Variants in MID1 observed in about 807,000 individuals in gnomAD.
MID1 encodes E3 ubiquitin-protein ligase Midline-1.
Under a neutral mutation model 40.4 loss-of-function variants are expected in MID1, and 7 were observed. The observed-to-expected ratio is 0.17, with a 90% CI of 0.10 to 0.33. The LOEUF is 0.33. Among genes scored for constraint, MID1 ranks in the 10% least tolerant of loss-of-function variants. The pLI is 1.00. For synonymous variants in MID1, 229 were observed against 221.2 expected, an observed-to-expected ratio of 1.04 and a Z score of -0.31; for missense variants, 367 against 558.5, an observed-to-expected ratio of 0.66 and a Z score of 3.46.
intron 1 of MID1, among the ~76,000 whole-genome samples, chrX:10,702,071 G>A (rs2043196865): frequency 8.9e-6 from 1 of 112,457 alleles, no homozygotes; most frequent in African/African-American, 3.2e-5. Flanking sequence ...ATGCCACTCT[G>A]CATTTAATGC....
At chrX:10,637,618 C>A (rs1944704107) in intron 1 of MID1, among the ~76,000 whole-genome samples, 1 of 106,341 alleles carries the variant, frequency 9.4e-6, no homozygotes, top group Non-Finnish European at 1.9e-5. Context: ...GAGCAAGACT[C>A]CATCTAAAAA....
At chrX:10,515,409 C>T (rs996085981) in intron 3 of MID1, among the ~76,000 whole-genome samples, 2 of 111,940 alleles carry the variant, frequency 1.8e-5, no homozygotes, top group Admixed American at 9.5e-5. Flanking sequence ...AATTAAACAG[C>T]CTTAATTCCT....
intron 4 of MID1, among the ~76,000 whole-genome samples, chrX:10,487,006 C>A (rs1222853750): frequency 9.0e-6 from 1 of 111,635 alleles, no homozygotes; most frequent in Non-Finnish European, 1.9e-5. Flanking sequence ...CATGCCACTA[C>A]ACCCGGCTAA....
chrX:10,481,757 T>C (rs377389044), intron 5 of MID1, among the ~76,000 whole-genome samples: 13 of 112,497 alleles, frequency 1.2e-4, no homozygotes, highest in African/African-American at 3.9e-4. Flanking sequence ...GTGCTTTTCT[T>C]TGGATCCACT....
chrX:10,714,110 T>C (rs1352117253), intron 1 of MID1, among the ~76,000 whole-genome samples: 2 of 112,252 alleles, frequency 1.8e-5, no homozygotes, highest in Admixed American at 1.9e-4. Flanking sequence ...TTCAGAACAC[T>C]TGGAATTTTA....
chrX:10,602,769 A>G (rs775180725), intron 1 of MID1, among the ~76,000 whole-genome samples: 2 of 112,470 alleles, frequency 1.8e-5, no homozygotes, highest in Admixed American at 1.9e-4. Context: ...AGGGATGCCT[A>G]TGAGTCTGGG....
chrX:10,613,762 GAGAGAGACAGAC>G (rs1419106881), intron 1 of MID1, among the ~76,000 whole-genome samples: 18 of 86,108 alleles, frequency 2.1e-4, no homozygotes, highest in African/African-American at 8.0e-4. Flanking sequence ...GAGAGAGAGA[GAGAGAGACAGAC>G]AGACAGACAG....
chrX:10,513,865 T>C (rs930562004), intron 3 of MID1, among the ~76,000 whole-genome samples: 1 of 112,128 alleles, frequency 8.9e-6, no homozygotes, highest in Non-Finnish European at 1.9e-5. Context: ...CTTTATATCA[T>C]GCCAGAAACA....
At chrX:10,545,835 T>C (rs1384751303) in intron 2 of MID1, among the ~76,000 whole-genome samples, 1 of 112,026 alleles carries the variant, frequency 8.9e-6, no homozygotes, top group Admixed American at 9.5e-5. Flanking sequence ...TTTAACACTT[T>C]TATTTATCAG....
At chrX:10,682,920 A>C (rs987709084) in intron 1 of MID1, among the ~76,000 whole-genome samples, 5 of 111,616 alleles carry the variant, frequency 4.5e-5, no homozygotes, top group African/African-American at 1.6e-4. Context: ...AAAGGGTCAA[A>C]TCTGGGGCAT....
intron 1 of MID1, among the ~76,000 whole-genome samples, chrX:10,828,786 G>A (rs961778030): frequency 3.6e-4 from 40 of 112,413 alleles, no homozygotes; most frequent in African/African-American, 1.3e-3. Context: ...CCCCTGAATT[G>A]TTTACTTGAC....
intron 1 of MID1, among the ~76,000 whole-genome samples, chrX:10,571,819 G>A (rs1470974987): frequency 9.1e-6 from 1 of 110,346 alleles, no homozygotes; most frequent in Non-Finnish European, 1.9e-5. Context: ...TACTTGGGAG[G>A]CTGAGGCTGC....
chrX:10,767,875 C>T (rs1486200721), intron 1 of MID1, among the ~76,000 whole-genome samples: 1 of 111,619 alleles, frequency 9.0e-6, no homozygotes, highest in Non-Finnish European at 1.9e-5. Context: ...ATTAAGTATA[C>T]ATATTTATTG....
At chrX:10,672,461 A>C (rs1246239820) in intron 1 of MID1, among the ~76,000 whole-genome samples, 2 of 110,872 alleles carry the variant, frequency 1.8e-5, no homozygotes, top group Non-Finnish European at 3.8e-5. Flanking sequence ...GTGTAATTGC[A>C]CAGGTCCTTA....
intron 2 of MID1, among the ~76,000 whole-genome samples, chrX:10,563,370 T>A (rs142563023): frequency 1.8e-5 from 2 of 111,542 alleles, no homozygotes; most frequent in Non-Finnish European, 3.8e-5. Context: ...TCAATTTGTA[T>A]ATTTTTATAG....
intron 1 of MID1, among the ~76,000 whole-genome samples, chrX:10,817,548 C>CTTTCTT (rs1227278035): frequency 1.0e-5 from 1 of 98,510 alleles, no homozygotes; most frequent in Non-Finnish European, 2.0e-5. Flanking sequence ...TTCTTTCTTT[C>CTTTCTT]TTTCTTTCTT....
intron 1 of MID1, among the ~76,000 whole-genome samples, chrX:10,691,927 C>A (rs2043133822): frequency 9.0e-6 from 1 of 111,410 alleles, no homozygotes; most frequent in Non-Finnish European, 1.9e-5. Context: ...CTGGGAGTGT[C>A]TGTCTCATGC....
intron 9 of MID1, among the ~76,000 whole-genome samples, chrX:10,450,157 G>A (rs1264865494): frequency 8.9e-6 from 1 of 112,468 alleles, no homozygotes; most frequent in African/African-American, 3.2e-5. Context: ...CGGCTGGTGA[G>A]ACTGAGGAAC....
intron 1 of MID1, among the ~76,000 whole-genome samples, chrX:10,746,176 A>G (rs976214432): frequency 1.8e-5 from 2 of 112,127 alleles, no homozygotes; most frequent in African/African-American, 6.5e-5. Context: ...AGTGCAGAGT[A>G]TGCTTGGGAA....
Sources: allele counts gnomAD v4.1 joint callset (sites outside exome capture counted in the v4.1 genomes callset), GRCh38; gene constraint gnomAD v4.1.1; transcripts MANE v1.5; gene names NCBI Gene and HGNC (gene_info 2026-07-23, HGNC 2026-07-21).